The following VAT1L variants were observed in gnomAD, a reference collection of about 807,000 sequenced individuals.
The protein encoded by VAT1L is putative NADPH-dependent quinone oxidoreductase VAT1L.
VAT1L carries 34 observed loss-of-function variants against 44.1 expected under a neutral mutation model. That is an observed-to-expected ratio of 0.77 (90% confidence interval 0.59 to 1.03). The LOEUF is 1.03. Among genes scored for constraint, VAT1L ranks in the 50% least tolerant of loss-of-function variants. The probability of loss-of-function intolerance (pLI) is 0.00; values close to 1 mark genes in which losing one functional copy is unlikely to be tolerated. For synonymous variants in VAT1L, 253 were observed against 202.2 expected, an observed-to-expected ratio of 1.25 and a Z score of -2.13; for missense variants, 615 against 538.8, an observed-to-expected ratio of 1.14 and a Z score of -1.40.
At chr16:77,790,412 C>G (rs2015811910) in intron 1 of VAT1L, among the ~76,000 whole-genome samples, 1 of 152,148 alleles carries the variant, frequency 6.6e-6, no homozygotes, top group South Asian at 2.1e-4. Flanking sequence ...GCCCACTCCC[C>G]CACCCCACAC....
chr16:77,826,084 G>T (rs2016518644), intron 3 of VAT1L, among the ~76,000 whole-genome samples: 2 of 144,522 alleles, frequency 1.4e-5, no homozygotes, highest in Admixed American at 7.0e-5. Flanking sequence ...GCGGGCGCCT[G>T]TAGTCCCAGC....
intron 3 of VAT1L, among the ~76,000 whole-genome samples, chr16:77,849,888 G>A (rs34062199): frequency 0.04 from 6,053 of 152,286 alleles, 129 homozygotes; most frequent in South Asian, 0.053. Flanking sequence ...TCTGATCTCT[G>A]AGGACTGGCA....
At chr16:77,852,168 C>T (rs1329152459) in intron 3 of VAT1L, among the ~76,000 whole-genome samples, 1 of 152,198 alleles carries the variant, frequency 6.6e-6, no homozygotes, top group Non-Finnish European at 1.5e-5. Flanking sequence ...TGGCTTGACC[C>T]TCAAACATAC....
In VAT1L at chr16:77,826,206, C is replaced by CA. The variant is rs11298500; in HGVS notation, c.579+760dup. On this transcript the variant is annotated intron_variant, in intron 3 of 8. Coordinates refer to ENST00000302536, the MANE Select transcript of VAT1L (RefSeq NM_020927.3). ...TGGGCGACAGAGCGAGACTCCGTCTCAAAAAAAAAAAAAAAGAAAAAGAGA... is the reference window on the plus strand; with the variant it reads ...TGGGCGACAGAGCGAGACTCCGTCTCAAAAAAAAAAAAAAAAGAAAAAGAGA... 1.4e-3 allele frequency among the ~76,000 whole-genome samples: 176 copies of CA among 128,230 alleles called. 1 individual carries two copies. The highest frequency in any genetic ancestry group is 4.8e-3 in the African/African-American group (167 of 34,718). The allele number at this position is 128,230 out of a possible 152,430, so 84.1% of individuals were successfully genotyped here.
chr16:77,901,458 C>G (rs2017382685), intron 7 of VAT1L, among the ~76,000 whole-genome samples: 1 of 152,166 alleles, frequency 6.6e-6, no homozygotes, highest in African/African-American at 2.4e-5. Flanking sequence ...GCCACCGTGC[C>G]TGGCCCATAG....
chr16:77,895,987 G>A (rs1280223110), intron 7 of VAT1L, among the ~76,000 whole-genome samples: 1 of 152,220 alleles, frequency 6.6e-6, no homozygotes, highest in Non-Finnish European at 1.5e-5. Flanking sequence ...GGAAGTTGGA[G>A]AGAAAGATGG....
intron 2 of VAT1L, among the ~76,000 whole-genome samples, chr16:77,822,291 C>T (rs2016464815): frequency 6.6e-6 from 1 of 152,142 alleles, no homozygotes; most frequent in African/African-American, 2.4e-5. Context: ...TGGGCCACCA[C>T]ACCTGGCTAA....
chr16:77,905,745 C>T (rs1467681922), intron 7 of VAT1L, among the ~76,000 whole-genome samples: 2 of 152,146 alleles, frequency 1.3e-5, no homozygotes, highest in Non-Finnish European at 2.9e-5. Flanking sequence ...TGACTTTCAT[C>T]ACCTGTGTTT....
chr16:77,865,329 G>T (rs963720210), intron 4 of VAT1L, among the ~76,000 whole-genome samples: 5 of 152,110 alleles, frequency 3.3e-5, no homozygotes, highest in Non-Finnish European at 7.4e-5. Flanking sequence ...AACTATCGTT[G>T]TCCCTTCAGT....
intron 3 of VAT1L, among the ~76,000 whole-genome samples, chr16:77,834,798 C>G (rs62044478): frequency 3.3e-5 from 5 of 152,176 alleles, no homozygotes; most frequent in Non-Finnish European, 5.9e-5. Flanking sequence ...CTTCATTTTC[C>G]TAAGATTAAT....
chr16:77,891,332 C>T (rs929302252), intron 7 of VAT1L, among the ~76,000 whole-genome samples: 17 of 152,090 alleles, frequency 1.1e-4, no homozygotes, highest in African/African-American at 4.1e-4. Flanking sequence ...TCAGCCTGGG[C>T]GACAGAGCAA....
At chr16:77,893,424 A>G (rs1467462388) in intron 7 of VAT1L, among the ~76,000 whole-genome samples, 1 of 152,252 alleles carries the variant, frequency 6.6e-6, no homozygotes, top group East Asian at 1.9e-4. Flanking sequence ...CATTTTAGTT[A>G]GCAGGGATAG....
rs780223836 is a variant in VAT1L, at chr16:77,977,641, G to T, written c.1206G>T (p.Glu402Asp). 7 of 1,614,130 alleles carry T rather than the reference G, an allele frequency of 4.3e-6. No individual in the cohort carries two copies. In the Admixed American group the frequency reaches 5.0e-5, roughly 12 times the overall value. ...STETSEAGEE[E>D]EDHEGDSENK... ...AGACCAGTGAAGCAGGGGAAGAGGAGGAGGACCACGAGGGAGACAGCGAGA... is the reference window on the plus strand; with the variant it reads ...AGACCAGTGAAGCAGGGGAAGAGGATGAGGACCACGAGGGAGACAGCGAGA... The change falls in exon 9 of 9, where the codon GAG becomes GAT. Residue 402 changes from glutamate to aspartate, a missense_variant. Glu to Asp is a conservative substitution (Grantham distance 45). Transcript: ENST00000302536.
chr16:77,909,399 G>A (rs1032029911), intron 7 of VAT1L, among the ~76,000 whole-genome samples: 22 of 152,180 alleles, frequency 1.4e-4, no homozygotes, highest in Admixed American at 1.3e-3. Flanking sequence ...CATGTTGGGA[G>A]GCCTAGGCAG....
At chr16:77,814,876 T>C (rs1387199219) in intron 1 of VAT1L, among the ~76,000 whole-genome samples, 1 of 152,232 alleles carries the variant, frequency 6.6e-6, no homozygotes, top group African/African-American at 2.4e-5. Flanking sequence ...ATATATCACA[T>C]ACTTCTGCCT....
At chr16:77,850,172 G>C (rs779196802) in intron 3 of VAT1L, among the ~76,000 whole-genome samples, 1 of 152,168 alleles carries the variant, frequency 6.6e-6, no homozygotes, top group East Asian at 1.9e-4. Context: ...CGTGTGTAGG[G>C]TACAGGCATT....
intron 7 of VAT1L, among the ~76,000 whole-genome samples, chr16:77,935,933 T>C (rs966927292): frequency 1.3e-5 from 2 of 152,202 alleles, no homozygotes; most frequent in African/African-American, 4.8e-5. Flanking sequence ...TAAAACATGG[T>C]AGATGCCTAA....
chr16:77,853,938 G>A lies in VAT1L; in HGVS notation c.580-8810G>A, dbSNP rs551492636. Among the ~76,000 whole-genome samples, 465 of 152,062 alleles carry A rather than the reference G, an allele frequency of 3.1e-3. 2 individuals are homozygous for A. Among genetic ancestry groups the A allele is most frequent in the Non-Finnish European group, 3.7e-3 (254 of 67,994 alleles). On this transcript the variant is annotated intron_variant, in intron 3 of 8. Transcript: ENST00000302536. Reference sequence around the variant, plus strand: ...AGTTCAGGATTTCGAGACCAGCCTGGCCAGCATGGTGAAACCCCACCTTTA... The same window carrying A: ...AGTTCAGGATTTCGAGACCAGCCTGACCAGCATGGTGAAACCCCACCTTTA...
rs149331496 is a variant in VAT1L at position 77,919,615 on chromosome 16, T to G, written c.1077+34813T>G. ...TCTCATGCAGATGAGTGAGTCAATG[T>G]GTGAAATAGAGGAGAGATGACTGTG... On this transcript the variant is annotated intron_variant, in intron 7 of 8. Transcript: ENST00000302536. Among the ~76,000 whole-genome samples, 1,446 of 152,240 alleles carry G rather than the reference T, an allele frequency of 9.5e-3. 6 individuals carry two copies. The highest frequency in any genetic ancestry group is 0.015 in the Non-Finnish European group (1,026 of 68,020).
Sources: allele counts gnomAD v4.1 joint callset (sites outside exome capture counted in the v4.1 genomes callset), GRCh38; gene constraint gnomAD v4.1.1; transcripts MANE v1.5; gene names NCBI Gene and HGNC (gene_info 2026-07-23, HGNC 2026-07-21).